KAZN: variants seen among roughly 807,000 people sequenced by gnomAD.
KAZN encodes kazrin, periplakin interacting protein.
Under a neutral mutation model 87.4 loss-of-function variants are expected in KAZN, and 40 were observed. The observed-to-expected ratio is 0.46, with a 90% CI of 0.36 to 0.60. The LOEUF (loss-of-function observed/expected upper bound fraction) is 0.60. Ranked by LOEUF, KAZN falls within the 20% of genes least tolerant of loss-of-function variation. The pLI, the probability that KAZN is intolerant of heterozygous loss-of-function variation, is 0.00. For synonymous variants in KAZN, 466 were observed against 458.3 expected, an observed-to-expected ratio of 1.02 and a Z score of -0.22; for missense variants, 898 against 1,073.9, an observed-to-expected ratio of 0.84 and a Z score of 2.29.
chr1:14,821,819 C>A (rs911653424), intron 1 of KAZN, among the ~76,000 whole-genome samples: 3 of 152,172 alleles, frequency 2.0e-5, no homozygotes, highest in Admixed American at 1.3e-4. Context: ...CCAGCTGAAT[C>A]TCCCTGTGTA....
At chr1:14,183,180 A>C (rs547926483) in intron 2 of KAZN, among the ~76,000 whole-genome samples, 1 of 152,326 alleles carries the variant, frequency 6.6e-6, no homozygotes, top group East Asian at 1.9e-4. Context: ...GCTTAGGAGA[A>C]CGTCAAAGGC....
chr1:14,801,770 G>A (rs1051448530), intron 1 of KAZN, among the ~76,000 whole-genome samples: 7 of 150,796 alleles, frequency 4.6e-5, no homozygotes, highest in African/African-American at 9.8e-5. Flanking sequence ...TGCAAGCTCT[G>A]CCTCCCGGGT....
At chr1:14,704,750 AC>A (rs1642118492) in intron 1 of KAZN, among the ~76,000 whole-genome samples, 1 of 152,170 alleles carries the variant, frequency 6.6e-6, no homozygotes, top group Non-Finnish European at 1.5e-5. Flanking sequence ...TGTACAAATG[AC>A]ATCGGGGTTC....
rs1273790517 is a variant in KAZN, at chr1:15,081,196, T to C, written c.1223-12984T>C. Among the ~76,000 whole-genome samples the C allele has an allele frequency of 1.3e-5, 2 of 152,174 alleles. No individual in the cohort carries two copies. The highest frequency in any genetic ancestry group is 2.9e-5 in the Non-Finnish European group (2 of 68,020). ...CTCAATACTTAGAGGGCTCATTCAA[T>C]TGCAGGCAGTGCTGGGCCAGGGCTG... On this transcript the variant is annotated intron_variant, in intron 8 of 14. Coordinates refer to ENST00000376030, the MANE Select transcript of KAZN (RefSeq NM_201628.3). This position sits in a 1 kb window ranked among gnomAD's most constrained non-coding sequence, Gnocchi z 4.1.
intron 2 of KAZN, among the ~76,000 whole-genome samples, chr1:14,559,653 T>C (rs897686844): frequency 4.6e-5 from 7 of 152,212 alleles, no homozygotes; most frequent in African/African-American, 1.4e-4. Context: ...TCCATTTCCA[T>C]TGAGGGCTCA....
intron 2 of KAZN, among the ~76,000 whole-genome samples, chr1:14,257,435 A>G (rs1304986110): frequency 6.8e-6 from 1 of 146,120 alleles, no homozygotes; most frequent in Admixed American, 6.9e-5. Flanking sequence ...GTTCACTCTA[A>G]TGGTAGTTTC....
intron 1 of KAZN, among the ~76,000 whole-genome samples, chr1:14,936,445 A>G (rs1660465954): frequency 6.6e-6 from 1 of 152,174 alleles, no homozygotes; most frequent in African/African-American, 2.4e-5. Context: ...AGCACTGGAC[A>G]TCCCGCACCA....
chr1:14,348,909 TAGGTAGG>T (rs1328316295), intron 2 of KAZN: 1 of 152,208 alleles, frequency 6.6e-6, no homozygotes, highest in Non-Finnish European at 1.5e-5. Flanking sequence ...GGACTAACAA[TAGGTAGG>T]TTGGTTTACA....
At chr1:14,369,348 G>A (rs185511179) in intron 2 of KAZN, among the ~76,000 whole-genome samples, 110 of 152,274 alleles carry the variant, frequency 7.2e-4, no homozygotes, top group African/African-American at 2.5e-3. Flanking sequence ...GTGCTTGCAC[G>A]ACTGTATTTA....
chr1:14,611,632 T>C (rs1443815832), intron 1 of KAZN, among the ~76,000 whole-genome samples: 1 of 150,744 alleles, frequency 6.6e-6, no homozygotes. Context: ...GAGGTTGCAG[T>C]GAGCTATGAT....
upstream of KAZN, among the ~76,000 whole-genome samples, chr1:14,595,533 T>A (rs2473629): frequency 0.089 from 13,315 of 150,324 alleles, 2,003 homozygotes; most frequent in African/African-American, 0.31. Flanking sequence ...CAAAAAAAAA[T>A]TAGAGGGGTG....
chr1:14,425,888 C>A (rs1276692350), intron 2 of KAZN, among the ~76,000 whole-genome samples: 1 of 152,140 alleles, frequency 6.6e-6, no homozygotes, highest in South Asian at 2.1e-4. Context: ...ATTCGAGAGC[C>A]CAGGTGCACT....
intron 1 of KAZN, among the ~76,000 whole-genome samples, chr1:14,031,396 G>T (rs1240764881): frequency 6.6e-6 from 1 of 152,242 alleles, no homozygotes; most frequent in Admixed American, 6.5e-5. Context: ...CCAGATGAAG[G>T]ATGCTTGCTG....
At chr1:14,664,653 C>CT (rs543110951) in intron 1 of KAZN, among the ~76,000 whole-genome samples, 6,160 of 139,342 alleles carry the variant, frequency 0.044, 210 homozygotes, top group African/African-American at 0.074. Flanking sequence ...TTCTTTTTCT[C>CT]TTTTTTTTTT....
chr1:14,345,209 C>T (rs1178936840), intron 2 of KAZN, among the ~76,000 whole-genome samples: 2 of 152,138 alleles, frequency 1.3e-5, no homozygotes, highest in Admixed American at 6.5e-5. Context: ...TGAGCCACCA[C>T]GCCAGGCCCA....
At chr1:14,208,928 A>G (rs1646798006) in intron 2 of KAZN, among the ~76,000 whole-genome samples, 2 of 152,338 alleles carry the variant, frequency 1.3e-5, no homozygotes, top group East Asian at 3.9e-4. Context: ...AGGTTCATAG[A>G]CATTCCTGCA....
intron 2 of KAZN, among the ~76,000 whole-genome samples, chr1:14,328,336 T>G (rs1656588730): frequency 6.6e-6 from 1 of 152,182 alleles, no homozygotes; most frequent in South Asian, 2.1e-4. Flanking sequence ...TATTCTCAAT[T>G]CCCCTCCCCT....
chr1:14,044,150 C>T (rs1420356761), intron 1 of KAZN, among the ~76,000 whole-genome samples: 1 of 152,152 alleles, frequency 6.6e-6, no homozygotes, highest in African/African-American at 2.4e-5. Flanking sequence ...GAGTCTCCAT[C>T]TGACTCCAGA....
At chr1:14,859,273 C>A (rs1169066271) in intron 1 of KAZN, among the ~76,000 whole-genome samples, 2 of 151,970 alleles carry the variant, frequency 1.3e-5, no homozygotes, top group African/African-American at 4.8e-5. Flanking sequence ...GTAGCAAGCA[C>A]GTTTCAGGTA....
Sources: allele counts gnomAD v4.1 joint callset (sites outside exome capture counted in the v4.1 genomes callset), GRCh38; gene constraint gnomAD v4.1.1; non-coding constraint Gnocchi (gnomAD v3.1); transcripts MANE v1.5; gene names NCBI Gene and HGNC (gene_info 2026-07-23, HGNC 2026-07-21).